FIGN: variants seen among roughly 807,000 people sequenced by gnomAD.
The protein encoded by FIGN is fidgetin.
Under a neutral mutation model 51.3 loss-of-function variants are expected in FIGN, and 11 were observed. The observed-to-expected ratio is 0.21, with a 90% CI of 0.13 to 0.35. FIGN has a LOEUF of 0.35. Ranked by LOEUF, FIGN falls within the 10% of genes least tolerant of loss-of-function variation. FIGN has a pLI of 1.00. For missense variants in FIGN, 857 were observed against 943.6 expected, an observed-to-expected ratio of 0.91 and a Z score of 1.20; for synonymous variants, 407 against 363.2, an observed-to-expected ratio of 1.12 and a Z score of -1.37.
chr2:163,724,216 C>T (rs541465239), intron 2 of FIGN, among the ~76,000 whole-genome samples: 2 of 152,226 alleles, frequency 1.3e-5, no homozygotes, highest in East Asian at 1.9e-4. Context: ...CCTTCATCAT[C>T]GTTACTTTCC....
At position 163,610,999 on chromosome 2, in the gene FIGN, C is replaced by A. The variant is rs774939888; in HGVS notation, c.833G>T (p.Gly278Val). ...PPPPSAYLPS[G>V]IPAPTPLPPT... ...GGGTAGGGGGGTGGGAGCAGGAATTCCTGAAGGCAGGTACGCTGAAGGCGG... is the reference window on the plus strand; with the variant it reads ...GGGTAGGGGGGTGGGAGCAGGAATTACTGAAGGCAGGTACGCTGAAGGCGG... Residue 278 changes from glycine to valine, a missense_variant, in exon 3 of 3, where the codon GGA (glycine) becomes GTA (valine). By Grantham distance (109) the Gly-to-Val change is moderately radical. Around this residue, in one of 3 missense-constraint regions of FIGN, gnomAD observed 799 missense variants for 849.5 expected, o/e 0.94. Coordinates refer to ENST00000333129, the MANE Select transcript of FIGN (RefSeq NM_018086.4). The A allele has an allele frequency of 3.1e-6, 5 of 1,613,702 alleles. No homozygotes were observed. The highest frequency in any genetic ancestry group is 4.2e-6 in the Non-Finnish European group (5 of 1,180,014).
intron 2 of FIGN, among the ~76,000 whole-genome samples, chr2:163,696,509 T>C (rs567433185): frequency 9.0e-4 from 137 of 152,312 alleles, no homozygotes; most frequent in Admixed American, 2.7e-3. Flanking sequence ...ATTTGCCTCC[T>C]CTTTCATATT....
chr2:163,637,374 C>T (rs1005208657), intron 2 of FIGN, among the ~76,000 whole-genome samples: 3 of 152,154 alleles, frequency 2.0e-5, no homozygotes, highest in Non-Finnish European at 4.4e-5. Context: ...CAGTTTTTTA[C>T]TTTGCCTAAT....
intron 2 of FIGN, among the ~76,000 whole-genome samples, chr2:163,718,400 T>C (rs373152053): frequency 9.9e-5 from 15 of 152,192 alleles, no homozygotes; most frequent in African/African-American, 3.4e-4. Context: ...GATGTAACAG[T>C]GTCAGGATTA....
intron 2 of FIGN, among the ~76,000 whole-genome samples, chr2:163,620,796 T>C (rs1682955729): frequency 6.6e-6 from 1 of 151,868 alleles, no homozygotes; most frequent in Admixed American, 6.6e-5. Flanking sequence ...TCATCAATCA[T>C]AATCCTAAAA....
chr2:163,682,528 C>G (rs11678561), intron 2 of FIGN, among the ~76,000 whole-genome samples: 44,020 of 152,000 alleles, frequency 0.29, 6,552 homozygotes, highest in East Asian at 0.45. Flanking sequence ...AAAATAATTA[C>G]AGAACAGGAC....
Position 163,609,781 on chromosome 2 carries a change from C to T in FIGN, c.2051G>A (p.Arg684His), listed in dbSNP as rs375256647. ...ATCTAGTCCAGAAAAGCCTTCTGTG[C>T]GCTGGACGAGCAGTGCAAACTCCTT... ...NDKEFALLVQ[R>H]TEGFSGLDVA... The change falls in exon 3 of 3, where the codon CGC becomes CAC. Residue 684 changes from arginine to histidine, a missense_variant. This residue lies in a region of FIGN where 799 missense variants were observed against 849.5 expected (regional missense o/e 0.94). Transcript: ENST00000333129. 48 of 1,614,116 alleles carry T rather than the reference C, an allele frequency of 3.0e-5. No individual in the cohort carries two copies. The highest frequency in any genetic ancestry group is 1.7e-4 in the Middle Eastern group (1 of 6,060).
chr2:163,681,321 A>G (rs1203958586), intron 2 of FIGN, among the ~76,000 whole-genome samples: 1 of 152,188 alleles, frequency 6.6e-6, no homozygotes, highest in Non-Finnish European at 1.5e-5. Context: ...GAGTTCATGT[A>G]GCCCCTTTAC....
In FIGN at chr2:163,611,389, A is replaced by G. The variant is rs755359335; in HGVS notation, c.443T>C (p.Ile148Thr). 9 of 1,614,044 alleles carry G rather than the reference A, an allele frequency of 5.6e-6. No homozygotes were observed. In the East Asian group the frequency reaches 1.6e-4, roughly 28 times the overall value. The change falls in exon 3 of 3, where the codon ATA (isoleucine) becomes ACA (threonine). Residue 148 changes from isoleucine (I) to threonine (T), a missense_variant. By Grantham distance (89) the Ile-to-Thr change is moderately conservative (BLOSUM62 -1). This residue lies in a region of FIGN where 799 missense variants were observed against 849.5 expected (regional missense o/e 0.94). Transcript: ENST00000333129. Reference sequence around the variant, plus strand: ...GCTGGCTACCCCAGGAGAGCTTCCTATACTCGCAGAGACATCTGCTGGAGG... The same window carrying G: ...GCTGGCTACCCCAGGAGAGCTTCCTGTACTCGCAGAGACATCTGCTGGAGG... ...ALPPADVSASIGSSPGVASNL... is the reference protein window; with the variant it reads ...ALPPADVSASTGSSPGVASNL...
At position 163,610,026 on chromosome 2, in the gene FIGN, G is replaced by A; in HGVS notation, c.1806C>T (p.Val602=). 6.2e-7 allele frequency: 1 copy of A among 1,614,118 alleles called. No individual in the cohort carries two copies. Among genetic ancestry groups the A allele is most frequent in the Non-Finnish European group, 8.5e-7 (1 of 1,180,010 alleles). Residue 602 remains valine (V), a synonymous_variant, in exon 3 of 3, where the codon GTC becomes GTT. Coordinates refer to ENST00000333129, the MANE Select transcript of FIGN (RefSeq NM_018086.4). ...SSQVNEEHSP[V]SRMRTEFLMQ... is the part of the protein sequence containing the mutation. Reference sequence around the variant, plus strand: ...TCAGAAATTCGGTTCTCATCCGACTGACTGGACTATGTTCCTCATTCACTT... The same window carrying A: ...TCAGAAATTCGGTTCTCATCCGACTAACTGGACTATGTTCCTCATTCACTT...
intron 2 of FIGN, among the ~76,000 whole-genome samples, chr2:163,649,424 G>T (rs1683435397): frequency 6.6e-6 from 1 of 152,136 alleles, no homozygotes; most frequent in East Asian, 1.9e-4. Flanking sequence ...TTAATGTGAA[G>T]AAGTCTGCCC....
chr2:163,674,325 C>T (rs1683924300), intron 2 of FIGN, among the ~76,000 whole-genome samples: 1 of 152,154 alleles, frequency 6.6e-6, no homozygotes, highest in African/African-American at 2.4e-5. Context: ...ATGAATTACG[C>T]TTTTCTAATG....
At chr2:163,674,481 T>C (rs1683927243) in intron 2 of FIGN, among the ~76,000 whole-genome samples, 1 of 152,188 alleles carries the variant, frequency 6.6e-6, no homozygotes, top group Non-Finnish European at 1.5e-5. Context: ...CTAAAGCTGT[T>C]TTCAGTCTTG....
At chr2:163,663,211 G>A (rs183888902) in intron 2 of FIGN, among the ~76,000 whole-genome samples, 12 of 151,156 alleles carry the variant, frequency 7.9e-5, no homozygotes, top group Admixed American at 2.0e-4. Context: ...GTGATCGACC[G>A]CACCTGGCCT....
chr2:163,681,391 G>A (rs1040924182), intron 2 of FIGN, among the ~76,000 whole-genome samples: 3 of 151,966 alleles, frequency 2.0e-5, no homozygotes, highest in Non-Finnish European at 4.4e-5. Context: ...TGACAATATT[G>A]TATATATATT....
chr2:163,631,439 T>C (rs2105310973), intron 2 of FIGN, among the ~76,000 whole-genome samples: 1 of 152,238 alleles, frequency 6.6e-6, no homozygotes, highest in East Asian at 1.9e-4. Flanking sequence ...GTTTGGGTAG[T>C]AAGATACCTG....
At chr2:163,709,325 C>G (rs1684551628) in intron 2 of FIGN, among the ~76,000 whole-genome samples, 1 of 152,134 alleles carries the variant, frequency 6.6e-6, no homozygotes, top group African/African-American at 2.4e-5. Flanking sequence ...CACTTTACAA[C>G]TAGCTAATTA....
intron 2 of FIGN, among the ~76,000 whole-genome samples, chr2:163,629,200 A>G (rs1165489995): frequency 6.6e-6 from 1 of 152,228 alleles, no homozygotes; most frequent in Non-Finnish European, 1.5e-5. Context: ...TTGGAAAGGC[A>G]TTTACAGAGT....
intron 2 of FIGN, among the ~76,000 whole-genome samples, chr2:163,662,861 G>A (rs1452778943): frequency 3.3e-5 from 5 of 152,192 alleles, no homozygotes; most frequent in African/African-American, 9.6e-5. Flanking sequence ...GAGATCTGAT[G>A]GATTTATCAG....
Sources: allele counts gnomAD v4.1 joint callset (sites outside exome capture counted in the v4.1 genomes callset), GRCh38; gene constraint gnomAD v4.1.1; regional missense constraint gnomAD v4.1.1; transcripts MANE v1.5; gene names NCBI Gene and HGNC (gene_info 2026-07-23, HGNC 2026-07-21).